TM9SF3: variants seen among roughly 807,000 people sequenced by gnomAD.
TM9SF3 encodes the protein SM-11044-binding protein.
Under a neutral mutation model 78.6 loss-of-function variants are expected in TM9SF3, and 14 were observed. That is an observed-to-expected ratio of 0.18 (90% CI 0.12 to 0.28). The LOEUF (loss-of-function observed/expected upper bound fraction) is 0.28, where lower values mean the gene tolerates loss of function less well. TM9SF3 is among the 10% of genes least tolerant of loss of function. The pLI, the probability that TM9SF3 is intolerant of heterozygous loss-of-function variation, is 1.00. For synonymous variants in TM9SF3, 231 were observed against 241.7 expected, an observed-to-expected ratio of 0.96 and a Z score of 0.41; for missense variants, 496 against 721.9, an observed-to-expected ratio of 0.69 and a Z score of 3.59.
intron 1 of TM9SF3, among the ~76,000 whole-genome samples, chr10:96,584,056 C>CA (rs201227679): frequency 8.3e-4 from 123 of 149,002 alleles, no homozygotes; most frequent in African/African-American, 1.6e-3. Flanking sequence ...ACAAAACAAA[C>CA]AAAAAAAAAC....
chr10:96,572,672 G>A (rs1399898276), intron 2 of TM9SF3, among the ~76,000 whole-genome samples: 1 of 151,476 alleles, frequency 6.6e-6, no homozygotes, highest in Admixed American at 6.6e-5. Context: ...GACCACAAGC[G>A]CCCACCACCG....
intron 2 of TM9SF3, 77 bp downstream of exon 2, chr10:96,576,557 A>G (rs1848498843): frequency 7.7e-7 from 1 of 1,292,314 alleles, no homozygotes; most frequent in Non-Finnish European, 1.1e-6. Flanking sequence ...ATCCAACACC[A>G]GTGTCAATAG....
At chr10:96,530,133 CTA>C (rs1847880041) in intron 11 of TM9SF3, among the ~76,000 whole-genome samples, 1 of 152,136 alleles carries the variant, frequency 6.6e-6, no homozygotes, top group South Asian at 2.1e-4. Context: ...TAGGAAATGA[CTA>C]TGCATCAAAA....
chr10:96,527,566 C>T (rs1847853183), intron 12 of TM9SF3, 70 bp from the exon 13 acceptor site: 2 of 1,261,218 alleles, frequency 1.6e-6, no homozygotes, highest in Non-Finnish European at 2.2e-6. Flanking sequence ...GATTTTAAAG[C>T]AAAGAATTTA....
At position 96,542,784 on chromosome 10, in the gene TM9SF3, G is replaced by GA. The variant is rs542806620; in HGVS notation, c.1185+1291dup. Among the ~76,000 whole-genome samples, 1,045 of 143,216 alleles carry GA rather than the reference G, an allele frequency of 7.3e-3. 14 individuals carry two copies. The highest frequency in any genetic ancestry group is 0.024 in the African/African-American group (923 of 39,184). 94.0% of individuals were successfully genotyped at this position (143,216 alleles called of 152,430 possible). A position where few individuals can be genotyped will look rare whatever the true frequency, so the allele number is the denominator to read the frequency against. ...TAAGCATTATCACTTACTTTGGCTTGAAAAAAAAAAATTTCCATTCTGAAA... is the reference window on the plus strand; with the variant it reads ...TAAGCATTATCACTTACTTTGGCTTGAAAAAAAAAAAATTTCCATTCTGAAA... On this transcript the variant is annotated intron_variant, in intron 9 of 14. Transcript: ENST00000371142.
At chr10:96,584,828 T>C (rs547182439) in intron 1 of TM9SF3, among the ~76,000 whole-genome samples, 2 of 152,048 alleles carry the variant, frequency 1.3e-5, no homozygotes, top group Non-Finnish European at 1.5e-5. Context: ...AATAAATAAA[T>C]AATAGGTATT....
At chr10:96,528,639 C>T (rs1285966506) in intron 11 of TM9SF3, among the ~76,000 whole-genome samples, 1 of 152,112 alleles carries the variant, frequency 6.6e-6, no homozygotes, top group African/African-American at 2.4e-5. Flanking sequence ...AAGATTCACA[C>T]TGTCTTCAGA....
chr10:96,530,631 G>A, intron 10 of TM9SF3, 23 bp from the exon 11 acceptor site: 14 of 1,588,256 alleles, frequency 8.8e-6, no homozygotes, highest in Non-Finnish European at 1.2e-5. Flanking sequence ...AAAATTAATA[G>A]TAAACTTCTA....
Position 96,547,991 on chromosome 10 carries a change from T to TA in TM9SF3, c.960-3dup. On this transcript the variant is annotated splice_polypyrimidine_tract_variant and splice_region_variant and intron_variant, in intron 7 of 14. Coordinates refer to ENST00000371142, the MANE Select transcript of TM9SF3 (RefSeq NM_020123.4). ...GCTGTACTGAGCATTGATCCCCTCC[T>TA]AAAAAGGCAAAAAAGAAAAAAAAAA... 6.4e-7 allele frequency: 1 copy of TA among 1,573,628 alleles called. No homozygotes were observed.
intron 1 of TM9SF3, among the ~76,000 whole-genome samples, chr10:96,582,599 CAA>C (rs1017374825): frequency 6.6e-6 from 1 of 152,156 alleles, no homozygotes; most frequent in Non-Finnish European, 1.5e-5. Flanking sequence ...CTGTCTTCCA[CAA>C]AAGTGTTAAT....
At position 96,550,673 on chromosome 10, in the gene TM9SF3, T is replaced by G. The variant is rs11188824; in HGVS notation, c.959+572A>C. Among the ~76,000 whole-genome samples, 1,299 of 152,318 alleles carry G rather than the reference T, an allele frequency of 8.5e-3. 30 individuals are homozygous for G. Among genetic ancestry groups the G allele is most frequent in the South Asian group, 0.06 (289 of 4,822 alleles). ...TCAAAGACCTCAAATTAAGAATTTC[T>G]TACAAATGGTTTTGTTTGCAAAGAA... On this transcript the variant is annotated intron_variant, in intron 7 of 14. Transcript: ENST00000371142.
At chr10:96,583,710 G>A (rs190374538) in intron 1 of TM9SF3, among the ~76,000 whole-genome samples, 8 of 150,578 alleles carry the variant, frequency 5.3e-5, no homozygotes, top group Non-Finnish European at 5.9e-5. Context: ...GTTATTAATA[G>A]ATGAGTTAAT....
At chr10:96,553,133 C>G (rs545339536) in intron 5 of TM9SF3, 74 bp from the exon 6 acceptor site, 61 of 1,436,900 alleles carry the variant, frequency 4.2e-5, no homozygotes, top group Non-Finnish European at 1.0e-5. Flanking sequence ...ATGAGGACAA[C>G]CGGATGTTAA....
chr10:96,522,112 A>ATC lies in TM9SF3; in HGVS notation c.*150_*151insGA. 3.1e-6 allele frequency: 2 copies of ATC among 642,488 alleles called. No individual in the cohort carries two copies. Among genetic ancestry groups the ATC allele is most frequent in the Non-Finnish European group, 5.5e-6 (2 of 365,666 alleles). The allele number at this position is 642,488 out of a possible 1,614,324, so 39.8% of individuals were successfully genotyped here. On this transcript the variant is annotated 3_prime_UTR_variant, in exon 15 of 15. Transcript: ENST00000371142. ...AAGAACCTAGGATCAATGGAAATAG[A>ATC]TGTTACTTTAAGCCACCGACGAAAG...
intron 5 of TM9SF3, among the ~76,000 whole-genome samples, chr10:96,558,629 G>A (rs1172697676): frequency 1.3e-5 from 2 of 149,748 alleles, no homozygotes; most frequent in Non-Finnish European, 3.0e-5. Flanking sequence ...CCAGGGGACA[G>A]AGCAAGGCTC....
intron 1 of TM9SF3, among the ~76,000 whole-genome samples, chr10:96,584,725 C>T (rs1366988400): frequency 6.6e-6 from 1 of 152,152 alleles, no homozygotes. Flanking sequence ...GCACGAGAAT[C>T]GCTTGAGCCC....
intron 1 of TM9SF3, among the ~76,000 whole-genome samples, chr10:96,580,632 T>G (rs1376613409): frequency 1.3e-5 from 2 of 152,098 alleles, no homozygotes; most frequent in Non-Finnish European, 2.9e-5. Flanking sequence ...TTAGCCAAAC[T>G]CTAATAATCC....
chr10:96,530,638 T>C (rs764489099), intron 10 of TM9SF3, 30 bp from the exon 11 acceptor site: 1 of 1,567,896 alleles, frequency 6.4e-7, no homozygotes, highest in South Asian at 1.2e-5. Context: ...ATAGTAAACT[T>C]CTAGTATGAT....
chr10:96,523,501 C>T (rs4919030), intron 14 of TM9SF3, among the ~76,000 whole-genome samples: 133,816 of 151,806 alleles, frequency 0.88, 59,065 homozygotes, highest in East Asian at 0.99. Context: ...AAAGGAACAA[C>T]AGAATTAGAA....
Sources: allele counts gnomAD v4.1 joint callset (sites outside exome capture counted in the v4.1 genomes callset), GRCh38; gene constraint gnomAD v4.1.1; transcripts MANE v1.5; gene names NCBI Gene and HGNC (gene_info 2026-07-23, HGNC 2026-07-21).